RB1CC1: variants seen among roughly 807,000 people sequenced by gnomAD.
The protein encoded by RB1CC1 is RB1-inducible coiled-coil protein 1.
RB1CC1 carries 46 observed loss-of-function variants against 177.5 expected under a neutral mutation model. That is an observed-to-expected ratio of 0.26 (90% CI 0.20 to 0.33). RB1CC1 has a LOEUF of 0.33. RB1CC1 is among the 10% of genes least tolerant of loss of function. The pLI is 1.00. For synonymous variants in RB1CC1, 666 were observed against 613.6 expected, an observed-to-expected ratio of 1.09 and a Z score of -1.26; for missense variants, 1,703 against 1,816.3, an observed-to-expected ratio of 0.94 and a Z score of 1.13.
At chr8:52,712,879 T>C (rs1168651013) in intron 1 of RB1CC1, among the ~76,000 whole-genome samples, 4 of 152,238 alleles carry the variant, frequency 2.6e-5, no homozygotes, top group Non-Finnish European at 5.9e-5. Flanking sequence ...ATGGTCTGCT[T>C]ATAAATCCAA....
At position 52,657,003 on chromosome 8, in the gene RB1CC1, G is replaced by A; in HGVS notation, c.2826C>T (p.His942=). Residue 942 remains histidine, a synonymous_variant, in exon 15 of 24, where the codon CAC becomes CAT. Coordinates refer to ENST00000025008, the MANE Select transcript of RB1CC1 (RefSeq NM_014781.5). ...GTTCTTTAATTTCACAATTTTGAGA[G>A]TGCATTATATTTTCCATCTCTAACA... The part of the protein sequence containing the change: ...QKLLEMENIM[H]SQNCEIKELK... 1.2e-6 allele frequency: 2 copies of A among 1,613,636 alleles called. No homozygotes were observed. The highest frequency in any genetic ancestry group is 1.7e-6 in the Non-Finnish European group (2 of 1,179,906).
At chr8:52,636,812 C>A (rs183262777) in intron 18 of RB1CC1, among the ~76,000 whole-genome samples, 12 of 152,308 alleles carry the variant, frequency 7.9e-5, no homozygotes, top group Non-Finnish European at 1.5e-4. Flanking sequence ...GAATATCCAG[C>A]TATGCTATCC....
chr8:52,697,158 C>T (rs1563459648), intron 1 of RB1CC1, among the ~76,000 whole-genome samples: 1 of 152,056 alleles, frequency 6.6e-6, no homozygotes, highest in Non-Finnish European at 1.5e-5. Context: ...TTTAATCAAG[C>T]AACTATATGT....
chr8:52,637,720 C>T (rs1849260345), intron 18 of RB1CC1, among the ~76,000 whole-genome samples: 1 of 151,334 alleles, frequency 6.6e-6, no homozygotes, highest in African/African-American at 2.4e-5. Flanking sequence ...TGTTCTGTCA[C>T]CCAGGATGGA....
chr8:52,708,085 T>C (rs1856739136), intron 1 of RB1CC1, among the ~76,000 whole-genome samples: 1 of 152,158 alleles, frequency 6.6e-6, no homozygotes, highest in Non-Finnish European at 1.5e-5. Flanking sequence ...CTCAAGAACT[T>C]CATAATTAAC....
At chr8:52,634,407 T>C (rs1848979091) in intron 20 of RB1CC1, among the ~76,000 whole-genome samples, 1 of 151,772 alleles carries the variant, frequency 6.6e-6, no homozygotes, top group African/African-American at 2.4e-5. Context: ...ACACTTGTAA[T>C]CCCAGCTACT....
chr8:52,627,577 C>T (rs1019002165), intron 22 of RB1CC1, among the ~76,000 whole-genome samples: 1 of 151,848 alleles, frequency 6.6e-6, no homozygotes, highest in East Asian at 1.9e-4. Flanking sequence ...AGCTTATTTC[C>T]TTTTTAAAAA....
chr8:52,641,889 G>A (rs1327842370), intron 18 of RB1CC1, among the ~76,000 whole-genome samples: 2 of 152,094 alleles, frequency 1.3e-5, no homozygotes, highest in Non-Finnish European at 2.9e-5. Flanking sequence ...TGGTAAGAAA[G>A]TTCTAAATTC....
At chr8:52,651,334 G>A (rs966593640) in intron 15 of RB1CC1, among the ~76,000 whole-genome samples, 1 of 152,110 alleles carries the variant, frequency 6.6e-6, no homozygotes, top group Admixed American at 6.5e-5. Flanking sequence ...GCTTTTTTGC[G>A]GAACACAGCC....
At chr8:52,671,787 G>A (rs1591039861) in intron 7 of RB1CC1, among the ~76,000 whole-genome samples, 1 of 152,160 alleles carries the variant, frequency 6.6e-6, no homozygotes, top group East Asian at 1.9e-4. Flanking sequence ...ATGCCATGGT[G>A]GTTTGCTGCA....
chr8:52,708,702 T>C (rs1024208238), intron 1 of RB1CC1, among the ~76,000 whole-genome samples: 1 of 152,172 alleles, frequency 6.6e-6, no homozygotes, highest in Admixed American at 6.5e-5. Flanking sequence ...CTATCTCTCA[T>C]TATGAGGACA....
intron 5 of RB1CC1, among the ~76,000 whole-genome samples, chr8:52,682,756 A>G (rs1176847698): frequency 6.6e-6 from 1 of 152,182 alleles, no homozygotes; most frequent in African/African-American, 2.4e-5. Flanking sequence ...ACATAAGTAT[A>G]TTTTTTAAAA....
chr8:52,674,884 T>C (rs1852955048), intron 6 of RB1CC1, among the ~76,000 whole-genome samples: 1 of 152,070 alleles, frequency 6.6e-6, no homozygotes, highest in Non-Finnish European at 1.5e-5. Flanking sequence ...AGATTCACCA[T>C]AGCAGTATCT....
intron 20 of RB1CC1, among the ~76,000 whole-genome samples, chr8:52,632,883 G>A (rs111915778): frequency 1.7e-4 from 26 of 152,258 alleles, no homozygotes; most frequent in East Asian, 7.7e-4. Context: ...CTGCTCATGT[G>A]AGACAAATGC....
At chr8:52,642,972 T>TGG (rs1173185717) in intron 16 of RB1CC1, 160 bp from the exon 17 acceptor site, 7 of 806,240 alleles carry the variant, frequency 8.7e-6, no homozygotes, top group Non-Finnish European at 1.2e-5. Context: ...TAACATACTG[T>TGG]GGCAAAGGTT....
At chr8:52,679,824 G>C (rs1388139422) in intron 5 of RB1CC1, among the ~76,000 whole-genome samples, 1 of 152,146 alleles carries the variant, frequency 6.6e-6, no homozygotes, top group African/African-American at 2.4e-5. Context: ...TCTGAAATTA[G>C]AGAGTAGCAG....
intron 8 of RB1CC1, 145 bp from the exon 9 acceptor site, chr8:52,661,864 G>T (rs1851664578): frequency 2.0e-5 from 11 of 556,122 alleles, no homozygotes; most frequent in Non-Finnish European, 3.2e-5. Context: ...TTTCTCGAAT[G>T]TAGTAGATGC....
At chr8:52,642,158 T>C (rs1273703018) in intron 18 of RB1CC1, among the ~76,000 whole-genome samples, 193 bp downstream of exon 18, 3 of 152,128 alleles carry the variant, frequency 2.0e-5, no homozygotes, top group Non-Finnish European at 4.4e-5. Flanking sequence ...CTTTGTATAG[T>C]ATGAGAGTAC....
intron 7 of RB1CC1, among the ~76,000 whole-genome samples, chr8:52,671,832 A>G (rs2150546344): frequency 6.6e-6 from 1 of 152,310 alleles, no homozygotes; most frequent in South Asian, 2.1e-4. Flanking sequence ...TAAGCCCAGC[A>G]TCCAATAGCT....
Sources: gnomAD v4.1 joint callset for allele counts (sites outside exome capture counted in the v4.1 genomes callset) on GRCh38, gnomAD v4.1.1 for gene constraint, MANE v1.5 for transcripts, NCBI Gene and HGNC (gene_info 2026-07-23, HGNC 2026-07-21) for gene names.